Variants in AOPEP observed in about 807,000 individuals in gnomAD.
AOPEP encodes aminopeptidase O (putative), also known as aminopeptidase O.
AOPEP carries 77 observed loss-of-function variants against 98.1 expected under a neutral mutation model. That is an observed-to-expected ratio of 0.78 (90% CI 0.65 to 0.95). AOPEP has a LOEUF of 0.95. AOPEP is among the 40% of genes least tolerant of loss of function. The probability of loss-of-function intolerance (pLI) is 0.00; values close to 1 mark genes in which losing one functional copy is unlikely to be tolerated. For synonymous variants in AOPEP, 346 were observed against 365.3 expected (o/e 0.95, Z 0.60); for missense variants, 1,024 against 1,024.7 (o/e 1.00, Z 0.01).
At chr9:94,784,997 G>A (rs751843101) in intron 3 of AOPEP, among the ~76,000 whole-genome samples, 17 of 151,510 alleles carry the variant, frequency 1.1e-4, no homozygotes, top group African/African-American at 3.9e-4. Flanking sequence ...GCAATGGCAC[G>A]ATCTCAGCAC....
At chr9:94,961,896 C>G (rs1264079555) in intron 9 of AOPEP, among the ~76,000 whole-genome samples, 1 of 152,168 alleles carries the variant, frequency 6.6e-6, no homozygotes, top group East Asian at 1.9e-4. Context: ...GCTTGGGTAG[C>G]ACTCTCCTGA....
chr9:95,149,382 T>C, the AOPEP span, among the ~76,000 whole-genome samples: 327 of 152,212 alleles, frequency 2.1e-3, 2 homozygotes, highest in African/African-American at 7.6e-3. Flanking sequence ...AACAAAACCC[T>C]ATGACATGTG....
chr9:94,735,171 T>A (rs907658045), intron 1 of AOPEP, among the ~76,000 whole-genome samples: 1 of 152,198 alleles, frequency 6.6e-6, no homozygotes, highest in Admixed American at 6.5e-5. Flanking sequence ...TATCTTGATA[T>A]CCTGTGTAAA....
At chr9:94,863,346 T>C (rs538032839) in intron 5 of AOPEP, among the ~76,000 whole-genome samples, 2 of 149,444 alleles carry the variant, frequency 1.3e-5, no homozygotes, top group East Asian at 4.0e-4. Flanking sequence ...AGTGGCGTGG[T>C]CTCGGCTCAC....
chr9:95,005,127 G>A (rs754405707), intron 11 of AOPEP, 31 bp from the exon 12 acceptor site: 7 of 1,106,162 alleles, frequency 6.3e-6, no homozygotes, highest in African/African-American at 1.7e-5. Context: ...CGCTCCCGCG[G>A]TAAACTTGAC....
chr9:95,128,110 T>C, the AOPEP span, among the ~76,000 whole-genome samples: 1 of 152,212 alleles, frequency 6.6e-6, no homozygotes, highest in Non-Finnish European at 1.5e-5. Context: ...GCTTCGAACT[T>C]AGGCATGTCA....
chr9:95,124,162 T>C, the AOPEP span, among the ~76,000 whole-genome samples: 2 of 151,278 alleles, frequency 1.3e-5, no homozygotes, highest in East Asian at 3.9e-4. Flanking sequence ...GAGAGATCTA[T>C]TTGACGTTGG....
At chr9:94,731,522 G>A (rs554134495) in intron 1 of AOPEP, among the ~76,000 whole-genome samples, 13 of 152,116 alleles carry the variant, frequency 8.5e-5, no homozygotes, top group Admixed American at 5.9e-4. Context: ...CACCGTGCCC[G>A]GCCCAACTTG....
At chr9:94,766,572 A>G (rs1206176762) in intron 2 of AOPEP, among the ~76,000 whole-genome samples, 1 of 152,168 alleles carries the variant, frequency 6.6e-6, no homozygotes, top group Non-Finnish European at 1.5e-5. Context: ...ATTCTCTTTG[A>G]TAACCCATTC....
At chr9:94,994,809 G>A (rs2061119877) in intron 11 of AOPEP, among the ~76,000 whole-genome samples, 1 of 151,994 alleles carries the variant, frequency 6.6e-6, no homozygotes, top group South Asian at 2.1e-4. Flanking sequence ...AAATTAGCCG[G>A]GTGTGGTGGT....
the AOPEP span, among the ~76,000 whole-genome samples, chr9:95,094,729 G>A: frequency 6.6e-6 from 1 of 152,162 alleles, no homozygotes; most frequent in Non-Finnish European, 1.5e-5. Context: ...GCAGTGGCAC[G>A]ATCTTGGCTC....
chr9:94,916,676 C>G (rs2052846994), intron 5 of AOPEP, among the ~76,000 whole-genome samples: 1 of 144,076 alleles, frequency 6.9e-6, no homozygotes, highest in Admixed American at 7.1e-5. Context: ...GCCTGGGCAA[C>G]AGAGCGAGAC....
Position 95,060,829 on chromosome 9 carries a change from G to T in AOPEP, c.2232+19G>T, listed in dbSNP as rs370368598. 1.3e-6 allele frequency: 2 copies of T among 1,500,740 alleles called. No homozygotes were observed. The highest frequency in any genetic ancestry group is 4.5e-5 in the East Asian group (2 of 44,348). The allele number at this position is 1,500,740 out of a possible 1,614,324, so 93.0% of individuals were successfully genotyped here. A position where few individuals can be genotyped will look rare whatever the true frequency, so the allele number is the denominator to read the frequency against. On this transcript the variant is annotated intron_variant, in intron 14 of 16. Coordinates refer to ENST00000375315, the MANE Select transcript of AOPEP (RefSeq NM_001193329.3). ...TGCAGAGGTAACCAGGAACACTCTCGGAGTTTAACCAGCAGGTCCCCACTG... is the reference window on the plus strand; with the variant it reads ...TGCAGAGGTAACCAGGAACACTCTCTGAGTTTAACCAGCAGGTCCCCACTG...
At chr9:95,118,006 A>C in the AOPEP span, among the ~76,000 whole-genome samples, 3 of 150,792 alleles carry the variant, frequency 2.0e-5, no homozygotes, top group African/African-American at 4.9e-5. Flanking sequence ...ACAGTGAGCC[A>C]CCATGCCCGG....
chr9:95,122,711 G>A, the AOPEP span, among the ~76,000 whole-genome samples: 11 of 152,290 alleles, frequency 7.2e-5, no homozygotes, highest in Non-Finnish European at 1.5e-4. Context: ...AAAAAGAGGC[G>A]CGAGCTAACC....
intron 5 of AOPEP, among the ~76,000 whole-genome samples, chr9:94,905,576 G>T (rs1463363828): frequency 6.6e-6 from 1 of 152,036 alleles, no homozygotes; most frequent in East Asian, 1.9e-4. Context: ...TAGAGGGATA[G>T]CCTCATCATT....
chr9:94,735,321 C>T (rs967925786), intron 1 of AOPEP, among the ~76,000 whole-genome samples: 2 of 152,122 alleles, frequency 1.3e-5, no homozygotes, highest in African/African-American at 2.4e-5. Context: ...CCTGGGTTCA[C>T]GCCATTCTCC....
chr9:94,955,728 A>G (rs2058402360), intron 8 of AOPEP, among the ~76,000 whole-genome samples, 180 bp from the exon 9 acceptor site: 1 of 152,048 alleles, frequency 6.6e-6, no homozygotes, highest in Admixed American at 6.6e-5. Flanking sequence ...AGGAGTTGAG[A>G]ACTAATTAAT....
chr9:95,131,068 A>C, the AOPEP span, among the ~76,000 whole-genome samples: 4 of 152,214 alleles, frequency 2.6e-5, no homozygotes, highest in African/African-American at 9.6e-5. Context: ...CTTTCTTTTT[A>C]ATCTTTACCA....
Sources: gnomAD v4.1 joint callset for allele counts (sites outside exome capture counted in the v4.1 genomes callset) on GRCh38, gnomAD v4.1.1 for gene constraint, MANE v1.5 for transcripts, NCBI Gene and HGNC (gene_info 2026-07-23, HGNC 2026-07-21) for gene names.